SRD5A2: variants seen among roughly 807,000 people sequenced by gnomAD.
The protein encoded by SRD5A2 is steroid 5 alpha-reductase 2.
SRD5A2 carries 30 observed loss-of-function variants against 27.4 expected under a neutral mutation model. That is an observed-to-expected ratio of 1.10 (90% CI 0.82 to 1.49). The LOEUF (loss-of-function observed/expected upper bound fraction) is 1.49, where lower values mean the gene tolerates loss of function less well. Ranked by LOEUF, SRD5A2 falls within the 40% of genes most tolerant of loss-of-function variation. The pLI, the probability that SRD5A2 is intolerant of heterozygous loss-of-function variation, is 0.00. For synonymous variants in SRD5A2, 141 were observed against 133.6 expected (o/e 1.06, Z -0.38); for missense variants, 348 against 323.4 (o/e 1.08, Z -0.58).
chr2:31,641,735 A>G, the SRD5A2 span, among the ~76,000 whole-genome samples: 1 of 152,152 alleles, frequency 6.6e-6, no homozygotes, highest in Non-Finnish European at 1.5e-5. Context: ...ATTTCAATGA[A>G]CACAGAAAAA....
intron 1 of SRD5A2, among the ~76,000 whole-genome samples, chr2:31,556,564 G>A (rs1666499345): frequency 6.6e-6 from 1 of 152,168 alleles, no homozygotes; most frequent in Non-Finnish European, 1.5e-5. Context: ...ACACACAGGG[G>A]AGGAAGTAAT....
chr2:31,522,984 C>T lies in SRD5A2; in HGVS notation c.*3212G>A, dbSNP rs1226589628. 6 of 220,618 alleles carry T rather than the reference C, an allele frequency of 2.7e-5. No individual in the cohort carries two copies. The highest frequency in any genetic ancestry group is 5.4e-5 in the Non-Finnish European group (6 of 110,288). 13.7% of individuals were successfully genotyped at this position (220,618 alleles called of 1,614,324 possible). On this transcript the variant is annotated 3_prime_UTR_variant, in exon 5 of 5. Coordinates refer to ENST00000622030, the MANE Select transcript of SRD5A2 (RefSeq NM_000348.4). ...ATCAAACTTCAGGGTTGTAAAACCA[C>T]GGATTTATTTATTTGTTCCTGAAAG...
At chr2:31,638,527 G>T in the SRD5A2 span, among the ~76,000 whole-genome samples, 2 of 152,122 alleles carry the variant, frequency 1.3e-5, no homozygotes, top group East Asian at 3.9e-4. Context: ...GGGTGTTAAA[G>T]TCCCCTATCA....
chr2:31,570,803 G>C (rs1465846735), intron 1 of SRD5A2, among the ~76,000 whole-genome samples: 1 of 152,012 alleles, frequency 6.6e-6, no homozygotes, highest in Non-Finnish European at 1.5e-5. Flanking sequence ...AAAATACCTA[G>C]GAATACAACT....
the SRD5A2 span, among the ~76,000 whole-genome samples, chr2:31,656,829 G>C: frequency 1.3e-5 from 2 of 152,172 alleles, no homozygotes; most frequent in Non-Finnish European, 2.9e-5. Flanking sequence ...CATATTGATA[G>C]TATGTACCCC....
At chr2:31,575,920 G>C (rs1371114418) in intron 1 of SRD5A2, among the ~76,000 whole-genome samples, 1 of 152,196 alleles carries the variant, frequency 6.6e-6, no homozygotes, top group Non-Finnish European at 1.5e-5. Flanking sequence ...AAGACTTCTT[G>C]GGAAAGTGAA....
chr2:31,640,012 G>C, the SRD5A2 span, among the ~76,000 whole-genome samples: 2 of 151,948 alleles, frequency 1.3e-5, no homozygotes, highest in East Asian at 3.9e-4. Context: ...TAAATATCTT[G>C]CAGGCAGTCT....
chr2:31,653,733 C>T, the SRD5A2 span, among the ~76,000 whole-genome samples: 1 of 152,106 alleles, frequency 6.6e-6, no homozygotes, highest in African/African-American at 2.4e-5. Context: ...GATCTCAGCT[C>T]ACTGCAACCT....
At chr2:31,560,055 T>TCCC (rs67240045) in intron 1 of SRD5A2, among the ~76,000 whole-genome samples, 8 of 122,384 alleles carry the variant, frequency 6.5e-5, no homozygotes, top group Admixed American at 8.5e-5. Context: ...TACATACCAA[T>TCCC]CCCCCCCCCC....
the SRD5A2 span, among the ~76,000 whole-genome samples, chr2:31,662,557 T>G: frequency 6.6e-6 from 1 of 152,140 alleles, no homozygotes; most frequent in Non-Finnish European, 1.5e-5. Flanking sequence ...TGGGCTCAAG[T>G]GATACTCCAA....
chr2:31,661,864 A>G, the SRD5A2 span, among the ~76,000 whole-genome samples: 5 of 152,124 alleles, frequency 3.3e-5, no homozygotes, highest in South Asian at 6.2e-4. Flanking sequence ...TTTTTTCTCT[A>G]TGTACTTCAG....
In SRD5A2 at chr2:31,525,950, C is replaced by A. The variant is rs1419249267; in HGVS notation, c.*246G>T. On this transcript the variant is annotated 3_prime_UTR_variant, in exon 5 of 5. Coordinates refer to ENST00000622030, the MANE Select transcript of SRD5A2 (RefSeq NM_000348.4). ...CTTTCTCAGAGCAATAGCTAAGAAGCAACTGTCGCCATTTGGAAAAGTGGC... is the reference window on the plus strand; with the variant it reads ...CTTTCTCAGAGCAATAGCTAAGAAGAAACTGTCGCCATTTGGAAAAGTGGC... The A allele has an allele frequency of 2.8e-5, 11 of 390,644 alleles. No individual in the cohort carries two copies. The highest frequency in any genetic ancestry group is 4.6e-5 in the Non-Finnish European group (10 of 217,252). 24.2% of individuals were successfully genotyped at this position (390,644 alleles called of 1,614,324 possible).
chr2:31,555,167 A>AT (rs1666469527), intron 1 of SRD5A2, among the ~76,000 whole-genome samples: 1 of 152,024 alleles, frequency 6.6e-6, no homozygotes. Context: ...AAAAAAAAAA[A>AT]ATCCCACATG....
rs1665846684 is a variant in SRD5A2 at position 31,529,160 on chromosome 2, T to G, written c.698+147A>C. The G allele has an allele frequency of 6.7e-6, 8 of 1,190,336 alleles. No homozygotes were observed. In the South Asian group the frequency reaches 1.3e-4, roughly 19 times the overall value. The allele number at this position is 1,190,336 out of a possible 1,614,324, so 73.7% of individuals were successfully genotyped here. On this transcript the variant is annotated intron_variant, in intron 4 of 4. Transcript: ENST00000622030. ...CCAACTTCAATACAAGCCCAGCAAG[T>G]CAGAATATGCTAACCCAGATTATAG...
chr2:31,578,784 G>GA (rs1447317622), intron 1 of SRD5A2, among the ~76,000 whole-genome samples: 2 of 148,506 alleles, frequency 1.3e-5, no homozygotes, highest in African/African-American at 5.0e-5. Flanking sequence ...TTACTCCTTT[G>GA]GGTTTTTTTT....
At chr2:31,577,450 T>C (rs962505862) in intron 1 of SRD5A2, among the ~76,000 whole-genome samples, 1 of 152,238 alleles carries the variant, frequency 6.6e-6, no homozygotes, top group Non-Finnish European at 1.5e-5. Flanking sequence ...GTACCAACTA[T>C]GTACCAGCTC....
At chr2:31,608,200 C>T in the SRD5A2 span, among the ~76,000 whole-genome samples, 1 of 151,700 alleles carries the variant, frequency 6.6e-6, no homozygotes, top group Non-Finnish European at 1.5e-5. Context: ...TGTTGGTGTA[C>T]CACATATACA....
chr2:31,523,950 T>G lies in SRD5A2; in HGVS notation c.*2246A>C. ...CACGCTACTCTACCCTATATTCAGA[T>G]TAAGAAGTTCCACGATCATGCTAAC... On this transcript the variant is annotated 3_prime_UTR_variant, in exon 5 of 5. Transcript: ENST00000622030. The G allele has an allele frequency of 4.6e-6, 1 of 218,102 alleles. No individual in the cohort carries two copies. The highest frequency in any genetic ancestry group is 9.2e-6 in the Non-Finnish European group (1 of 108,528). The allele number at this position is 218,102 out of a possible 1,614,324, so 13.5% of individuals were successfully genotyped here.
the SRD5A2 span, among the ~76,000 whole-genome samples, chr2:31,614,156 T>C: frequency 6.6e-6 from 1 of 152,218 alleles, no homozygotes; most frequent in Non-Finnish European, 1.5e-5. Context: ...CAAAGTCTTA[T>C]CTGAGACATG....
Sources: allele counts gnomAD v4.1 joint callset (sites outside exome capture counted in the v4.1 genomes callset), GRCh38; gene constraint gnomAD v4.1.1; transcripts MANE v1.5; gene names NCBI Gene and HGNC (gene_info 2026-07-23, HGNC 2026-07-21).